ATG4C: variants seen among roughly 807,000 people sequenced by gnomAD.
ATG4C encodes cysteine protease ATG4C.
ATG4C carries 56 observed loss-of-function variants against 57.6 expected under a neutral mutation model. That is an observed-to-expected ratio of 0.97 (90% CI 0.78 to 1.21). The LOEUF is 1.21. ATG4C is among the 50% of genes most tolerant of loss of function. The pLI is 0.00. For missense variants in ATG4C, 595 were observed against 529.8 expected, an observed-to-expected ratio of 1.12 and a Z score of -1.21; for synonymous variants, 157 against 174.1, an observed-to-expected ratio of 0.90 and a Z score of 0.78.
At chr1:62,801,958 C>CAAAAA (rs60298362) in intron 1 of ATG4C, among the ~76,000 whole-genome samples, 39 of 51,888 alleles carry the variant, frequency 7.5e-4, no homozygotes, top group East Asian at 1.2e-3. Context: ...ACTCTGTCTC[C>CAAAAA]AAAAAAAAAA....
intron 1 of ATG4C, among the ~76,000 whole-genome samples, chr1:62,793,597 GAA>G (rs746057232): frequency 9.7e-5 from 2 of 20,538 alleles, no homozygotes; most frequent in African/African-American, 2.0e-4. Context: ...ACCTTGTCTC[GAA>G]AAAAAAAAAA....
chr1:62,793,968 C>T (rs765198984), intron 1 of ATG4C, among the ~76,000 whole-genome samples: 8 of 152,110 alleles, frequency 5.3e-5, no homozygotes, highest in Non-Finnish European at 8.8e-5. Flanking sequence ...TCCAAGTATT[C>T]GTAGTTACCT....
intron 2 of ATG4C, 48 bp downstream of exon 2, chr1:62,803,910 C>T (rs779608564): frequency 1.3e-4 from 152 of 1,147,714 alleles, no homozygotes; most frequent in Non-Finnish European, 1.8e-4. Flanking sequence ...AAATATTTGA[C>T]AATATTTATC....
intron 6 of ATG4C, 80 bp from the exon 7 acceptor site, chr1:62,828,960 G>A: frequency 7.7e-7 from 1 of 1,296,360 alleles, no homozygotes. Context: ...ATTGCGGGGT[G>A]GAGGATAAAT....
intron 10 of ATG4C, among the ~76,000 whole-genome samples, chr1:62,842,491 G>A (rs1666203608): frequency 6.6e-6 from 1 of 151,792 alleles, no homozygotes; most frequent in South Asian, 2.1e-4. Flanking sequence ...AGTAGAGACG[G>A]GGTTTCTCCA....
chr1:62,828,535 C>T (rs143000767), intron 6 of ATG4C, among the ~76,000 whole-genome samples: 1,883 of 152,146 alleles, frequency 0.012, 35 homozygotes, highest in African/African-American at 0.043. Flanking sequence ...AAGTTCCTTA[C>T]AGATGCTGGA....
In ATG4C at chr1:62,787,162, A is replaced by C. The variant is rs139161271; in HGVS notation, c.-69+2889A>C. ...ATTTTTTGTTGTGGTAGCAGTGTTT[A>C]AGGTTAATTTCTTAGTTATTTTTAC... On this transcript the variant is annotated intron_variant, in intron 1 of 10. Transcript: ENST00000317868. Among the ~76,000 whole-genome samples the C allele has an allele frequency of 2.9e-3, 448 of 152,274 alleles. 4 individuals are homozygous for C. Among genetic ancestry groups the C allele is most frequent in the East Asian group, 0.013 (67 of 5,192 alleles).
At position 62,834,811 on chromosome 1, in the gene ATG4C, CA is replaced by C. The variant is rs760369178; in HGVS notation, c.1050del (p.Gln350HisfsTer4). On this transcript the variant is annotated frameshift_variant, in exon 9 of 11. Transcript: ENST00000317868. LOFTEE classifies it high-confidence loss of function. ...SLIYMDPHYC[Q>X]SFVDVSIKDF... The stretch of plus-strand genomic sequence containing the variant: ...GATTTACATGGATCCTCATTACTGC[CA>C]ATCTTTTGTAGATGTCAGCATAAAG... 1 of 1,612,170 alleles carries C rather than the reference CA, an allele frequency of 6.2e-7. No individual in the cohort carries two copies. Among genetic ancestry groups the C allele is most frequent in the East Asian group, 2.2e-5 (1 of 44,732 alleles).
intron 10 of ATG4C, among the ~76,000 whole-genome samples, chr1:62,852,844 G>A (rs934481730): frequency 2.0e-5 from 3 of 149,634 alleles, no homozygotes; most frequent in African/African-American, 7.4e-5. Flanking sequence ...CTTTTTTTCT[G>A]GAGATTTGCT....
rs149827975 is a variant in ATG4C, at chr1:62,801,680, C to T, written c.-68-2039C>T. Among the ~76,000 whole-genome samples, 727 of 144,688 alleles carry T rather than the reference C, an allele frequency of 5.0e-3. 7 individuals are homozygous for T. The highest frequency in any genetic ancestry group is 0.017 in the African/African-American group (681 of 38,924). 94.9% of individuals were successfully genotyped at this position (144,688 alleles called of 152,430 possible). A position where few individuals can be genotyped will look rare whatever the true frequency, so the allele number is the denominator to read the frequency against. On this transcript the variant is annotated intron_variant, in intron 1 of 10. Coordinates refer to ENST00000317868, the MANE Select transcript of ATG4C (RefSeq NM_032852.4). Reference sequence around the variant, plus strand: ...CTTAAAAAAAAAATAAAAAAGAAGGCCGGCGCAGTGGCTCACGCCTGTAAT... The same window carrying T: ...CTTAAAAAAAAAATAAAAAAGAAGGTCGGCGCAGTGGCTCACGCCTGTAAT...
chr1:62,853,828 C>G (rs939754300), intron 10 of ATG4C, among the ~76,000 whole-genome samples: 3 of 152,178 alleles, frequency 2.0e-5, no homozygotes, highest in African/African-American at 7.2e-5. Flanking sequence ...GTCCTGCTTT[C>G]TTCCATTATG....
intron 4 of ATG4C, among the ~76,000 whole-genome samples, chr1:62,817,762 TTAA>T (rs1294243002): frequency 6.6e-6 from 1 of 152,238 alleles, no homozygotes; most frequent in African/African-American, 2.4e-5. Context: ...TAGTCCATTT[TTAA>T]TAATGTGTAC....
rs145559010 is a variant in ATG4C, at chr1:62,853,685, A to G, written c.1210-10307A>G. On this transcript the variant is annotated intron_variant, in intron 10 of 10. Transcript: ENST00000317868. The stretch of plus-strand genomic sequence containing the variant: ...GGTCGTGAACTCCTGGGCTCATGCA[A>G]TCCTCCTGCCTCAGCTTCTCAAAGT... Among the ~76,000 whole-genome samples, 31 of 152,210 alleles carry G rather than the reference A, an allele frequency of 2.0e-4. No homozygotes were observed. In the East Asian group the frequency reaches 3.3e-3, roughly 16 times the overall value.
chr1:62,821,336 T>A, intron 6 of ATG4C, 127 bp downstream of exon 6: 1 of 468,592 alleles, frequency 2.1e-6, no homozygotes, highest in Non-Finnish European at 3.6e-6. Flanking sequence ...TTTTTGTTCC[T>A]AAATGTAGTA....
chr1:62,832,211 C>A (rs1665864975), intron 7 of ATG4C, among the ~76,000 whole-genome samples: 1 of 151,546 alleles, frequency 6.6e-6, no homozygotes, highest in Non-Finnish European at 1.5e-5. Context: ...TTTTCAGTTG[C>A]AGCTCTCATT....
At chr1:62,813,373 G>A (rs941585315) in intron 3 of ATG4C, among the ~76,000 whole-genome samples, 6 of 152,126 alleles carry the variant, frequency 3.9e-5, no homozygotes, top group African/African-American at 1.4e-4. Context: ...TTAATAAATG[G>A]TGCTGGGAAA....
chr1:62,851,685 T>C (rs913038096), intron 10 of ATG4C, among the ~76,000 whole-genome samples: 1 of 151,898 alleles, frequency 6.6e-6, no homozygotes, highest in African/African-American at 2.4e-5. Context: ...TTAAGAAAGA[T>C]TGAGATATTT....
intron 1 of ATG4C, among the ~76,000 whole-genome samples, chr1:62,803,157 C>T (rs1014440764): frequency 6.6e-6 from 1 of 151,998 alleles, no homozygotes; most frequent in Non-Finnish European, 1.5e-5. Flanking sequence ...AAATTTAAGC[C>T]GTTCTGTTTG....
intron 10 of ATG4C, among the ~76,000 whole-genome samples, chr1:62,857,239 C>T (rs1211914275): frequency 6.6e-6 from 1 of 152,186 alleles, no homozygotes; most frequent in African/African-American, 2.4e-5. Flanking sequence ...CATTCCCCAT[C>T]ACTACTCGCA....
Sources: allele counts gnomAD v4.1 joint callset (sites outside exome capture counted in the v4.1 genomes callset), GRCh38; gene constraint gnomAD v4.1.1; transcripts MANE v1.5; gene names NCBI Gene and HGNC (gene_info 2026-07-23, HGNC 2026-07-21).